CCSER1: variants seen among roughly 807,000 people sequenced by gnomAD.
CCSER1 encodes the protein coiled-coil serine rich protein 1.
CCSER1 carries 41 observed loss-of-function variants against 82.0 expected under a neutral mutation model. The observed-to-expected ratio is 0.50, with a 90% confidence interval of 0.39 to 0.65. The LOEUF (loss-of-function observed/expected upper bound fraction) is 0.65, where lower values mean the gene tolerates loss of function less well. CCSER1 is among the 30% of genes least tolerant of loss of function. CCSER1 has a pLI of 0.00. For missense variants in CCSER1, 1,119 were observed against 1,064.2 expected, an observed-to-expected ratio of 1.05 and a Z score of -0.72; for synonymous variants, 414 against 383.9, an observed-to-expected ratio of 1.08 and a Z score of -0.92.
At chr4:91,321,169 C>A (rs779878093) in intron 10 of CCSER1, among the ~76,000 whole-genome samples, 7 of 152,038 alleles carry the variant, frequency 4.6e-5, no homozygotes, top group Non-Finnish European at 8.8e-5. Flanking sequence ...GTAAGTGTTT[C>A]TACGCTAAAC....
chr4:90,464,474 C>G (rs1199096746), intron 4 of CCSER1, among the ~76,000 whole-genome samples: 1 of 152,154 alleles, frequency 6.6e-6, no homozygotes, highest in Non-Finnish European at 1.5e-5. Flanking sequence ...TTTAGTGACC[C>G]TGATCTTGGC....
At chr4:91,129,363 A>G (rs1449359157) in intron 10 of CCSER1, among the ~76,000 whole-genome samples, 4 of 152,038 alleles carry the variant, frequency 2.6e-5, no homozygotes, top group Non-Finnish European at 4.4e-5. Flanking sequence ...ACCACCTGAT[A>G]CCTGAACAAA....
chr4:91,440,769 A>C (rs570792840), intron 10 of CCSER1, among the ~76,000 whole-genome samples: 2 of 152,320 alleles, frequency 1.3e-5, no homozygotes, highest in Admixed American at 1.3e-4. Flanking sequence ...TAGATGCAAT[A>C]AAAAATGATA....
intron 9 of CCSER1, among the ~76,000 whole-genome samples, chr4:91,057,752 G>A (rs1743581369): frequency 6.6e-6 from 1 of 151,958 alleles, no homozygotes; most frequent in Admixed American, 6.6e-5. Flanking sequence ...TATGAGAGTG[G>A]TTATAAAATG....
chr4:90,466,231 A>G (rs779755337), intron 4 of CCSER1, among the ~76,000 whole-genome samples: 5 of 152,252 alleles, frequency 3.3e-5, no homozygotes, highest in African/African-American at 4.8e-5. Flanking sequence ...CTTTAAAAGC[A>G]GAAAGAATGT....
At chr4:90,618,950 C>T (rs1195212917) in intron 5 of CCSER1, among the ~76,000 whole-genome samples, 2 of 151,344 alleles carry the variant, frequency 1.3e-5, no homozygotes, top group Non-Finnish European at 1.5e-5. Context: ...GTTAAAAAGC[C>T]AAAAATACTT....
intron 5 of CCSER1, among the ~76,000 whole-genome samples, chr4:90,621,970 T>A (rs953835106): frequency 6.6e-6 from 1 of 152,344 alleles, no homozygotes; most frequent in South Asian, 2.1e-4. Flanking sequence ...TATAATTATT[T>A]CTATTTTGCT....
intron 10 of CCSER1, among the ~76,000 whole-genome samples, chr4:91,298,682 A>T (rs924271254): frequency 6.6e-6 from 1 of 152,008 alleles, no homozygotes; most frequent in Non-Finnish European, 1.5e-5. Context: ...TACAGTTTTA[A>T]GTTAAACTTT....
At chr4:90,637,314 G>A (rs1468378650) in intron 6 of CCSER1, among the ~76,000 whole-genome samples, 9 of 152,080 alleles carry the variant, frequency 5.9e-5, no homozygotes, top group Non-Finnish European at 2.9e-5. Context: ...ATGGCAGTTG[G>A]CTTCCCCCTG....
chr4:90,453,751 G>C (rs915279829), intron 4 of CCSER1, among the ~76,000 whole-genome samples: 3 of 150,998 alleles, frequency 2.0e-5, no homozygotes, highest in Admixed American at 6.6e-5. Context: ...CTACAACTAA[G>C]GGGTTGAGAA....
chr4:90,601,812 C>A (rs1005503931), intron 5 of CCSER1, among the ~76,000 whole-genome samples: 4 of 151,964 alleles, frequency 2.6e-5, no homozygotes, highest in Admixed American at 2.0e-4. Flanking sequence ...TTATTTGACC[C>A]TTGAATTATT....
At chr4:90,708,638 A>G (rs1293542293) in intron 6 of CCSER1, among the ~76,000 whole-genome samples, 1 of 152,130 alleles carries the variant, frequency 6.6e-6, no homozygotes, top group Non-Finnish European at 1.5e-5. Context: ...TTATTTATTT[A>G]TGTTTATGTT....
At chr4:90,653,582 C>T (rs1729175206) in intron 6 of CCSER1, among the ~76,000 whole-genome samples, 1 of 151,978 alleles carries the variant, frequency 6.6e-6, no homozygotes, top group Admixed American at 6.6e-5. Context: ...GTGTGAATAA[C>T]ATTTTGAAAT....
At chr4:90,685,554 T>C (rs576969790) in intron 6 of CCSER1, among the ~76,000 whole-genome samples, 1 of 152,248 alleles carries the variant, frequency 6.6e-6, no homozygotes, top group Non-Finnish European at 1.5e-5. Context: ...GCTCACTAAA[T>C]ACACATTCTC....
chr4:91,175,707 G>T (rs1733263012), intron 10 of CCSER1, among the ~76,000 whole-genome samples: 1 of 152,200 alleles, frequency 6.6e-6, no homozygotes, highest in African/African-American at 2.4e-5. Context: ...TAAGTTCTTT[G>T]TAGATTCTGG....
intron 10 of CCSER1, among the ~76,000 whole-genome samples, chr4:91,371,824 C>T (rs544334624): frequency 0.025 from 1,144 of 45,640 alleles, 14 homozygotes; most frequent in African/African-American, 0.17. Flanking sequence ...TGACCATCAC[C>T]GTAGGACCTA....
At chr4:91,568,804 A>ATT (rs111893188) in intron 10 of CCSER1, among the ~76,000 whole-genome samples, 1 of 151,200 alleles carries the variant, frequency 6.6e-6, no homozygotes, top group African/African-American at 2.4e-5. Context: ...AATCTTGATG[A>ATT]TTTTTTTTTC....
rs557539855 is a variant in CCSER1, at chr4:90,488,308, C to T, written c.1724+19954C>T. 3.9e-5 allele frequency among the ~76,000 whole-genome samples: 6 copies of T among 152,234 alleles called. No individual in the cohort carries two copies. In the East Asian group the frequency reaches 1.2e-3, roughly 30 times the overall value. On this transcript the variant is annotated intron_variant, in intron 5 of 10. Coordinates refer to ENST00000509176, the MANE Select transcript of CCSER1 (RefSeq NM_001145065.2). ...GTTCACACCATTCTCCTGCTTCAGC[C>T]TCCCGAGTAGCTGGGACTACAGGCA...
At chr4:90,448,748 T>C (rs965381478) in intron 4 of CCSER1, among the ~76,000 whole-genome samples, 5 of 152,014 alleles carry the variant, frequency 3.3e-5, no homozygotes, top group African/African-American at 1.2e-4. Context: ...AGTTTGATAC[T>C]GGGCCACAAG....
Sources: gnomAD v4.1 joint callset for allele counts (sites outside exome capture counted in the v4.1 genomes callset) on GRCh38, gnomAD v4.1.1 for gene constraint, MANE v1.5 for transcripts, NCBI Gene and HGNC (gene_info 2026-07-23, HGNC 2026-07-21) for gene names.